The following SLC25A21 variants were observed in gnomAD, a reference collection of about 807,000 sequenced individuals.
The protein encoded by SLC25A21 is mitochondrial 2-oxodicarboxylate carrier.
Under a neutral mutation model 43.8 loss-of-function variants are expected in SLC25A21, and 47 were observed. The observed-to-expected ratio is 1.07, with a 90% CI of 0.85 to 1.37. SLC25A21 has a LOEUF of 1.37. Among genes scored for constraint, SLC25A21 ranks in the 40% most tolerant of loss-of-function variants. SLC25A21 has a pLI of 0.00. For synonymous variants in SLC25A21, 131 were observed against 121.3 expected (o/e 1.08, Z -0.52); for missense variants, 352 against 350.2 (o/e 1.00, Z -0.04).
intron 3 of SLC25A21, among the ~76,000 whole-genome samples, chr14:36,776,761 C>T (rs1238015508): frequency 6.6e-6 from 1 of 152,116 alleles, no homozygotes; most frequent in Non-Finnish European, 1.5e-5. Flanking sequence ...TATAATATTG[C>T]CTTCTATTTC....
intron 1 of SLC25A21, among the ~76,000 whole-genome samples, chr14:37,165,633 A>G (rs1964017686): frequency 6.6e-6 from 1 of 152,102 alleles, no homozygotes. Flanking sequence ...AAGGCTTAGG[A>G]GTGACCTCAG....
At chr14:37,171,873 G>C in intron 1 of SLC25A21, 1 of 196,330 alleles carries the variant, frequency 5.1e-6, no homozygotes, top group Non-Finnish European at 1.0e-5. Flanking sequence ...CAGGATTTAT[G>C]TAAGACCTGA....
At chr14:36,695,296 CT>C (rs1882968220) in intron 7 of SLC25A21, among the ~76,000 whole-genome samples, 1 of 152,118 alleles carries the variant, frequency 6.6e-6, no homozygotes, top group African/African-American at 2.4e-5. Flanking sequence ...CAGTACCATG[CT>C]GTTTGGGTTA....
chr14:36,959,742 C>T lies in SLC25A21; in HGVS notation c.71-84738G>A, dbSNP rs545474796. Among the ~76,000 whole-genome samples, 24 of 152,308 alleles carry T rather than the reference C, an allele frequency of 1.6e-4. No homozygotes were observed. The Middle Eastern group carries it at 0.01, about 65-fold the overall frequency. On this transcript the variant is annotated intron_variant, in intron 1 of 9. Coordinates refer to ENST00000331299, the MANE Select transcript of SLC25A21 (RefSeq NM_030631.4). ...TGCCAGTTCCCGGTAAACAGACCAACACATGTTGGCTGTTCCCATGCTTTT... is the reference window on the plus strand; with the variant it reads ...TGCCAGTTCCCGGTAAACAGACCAATACATGTTGGCTGTTCCCATGCTTTT...
At chr14:36,880,951 A>G (rs1391936671) in intron 1 of SLC25A21, among the ~76,000 whole-genome samples, 1 of 152,200 alleles carries the variant, frequency 6.6e-6, no homozygotes, top group Non-Finnish European at 1.5e-5. Flanking sequence ...GGATGCTTGA[A>G]AGCCTGAAGG....
chr14:36,875,068 C>T, intron 1 of SLC25A21, 64 bp from the exon 2 acceptor site: 1 of 1,402,332 alleles, frequency 7.1e-7, no homozygotes, highest in East Asian at 2.3e-5. Flanking sequence ...TTTCCTTGAT[C>T]CCGTCGATTT....
At position 37,142,419 on chromosome 14, in the gene SLC25A21, G is replaced by A. The variant is rs116028781; in HGVS notation, c.70+29862C>T. 6.1e-3 allele frequency among the ~76,000 whole-genome samples: 926 copies of A among 152,294 alleles called. 11 individuals carry two copies. The highest frequency in any genetic ancestry group is 0.022 in the African/African-American group (897 of 41,548). Reference sequence around the variant, plus strand: ...TCTGTTGCCCAGGCTGGAGTACAGTGGCTTGGTCACAGCTCACTGCGGCCT... The same window carrying A: ...TCTGTTGCCCAGGCTGGAGTACAGTAGCTTGGTCACAGCTCACTGCGGCCT... On this transcript the variant is annotated intron_variant, in intron 1 of 9. Coordinates refer to ENST00000331299, the MANE Select transcript of SLC25A21 (RefSeq NM_030631.4).
chr14:36,760,331 A>AGAGGGAAG, intron 3 of SLC25A21, among the ~76,000 whole-genome samples: 1 of 136,754 alleles, frequency 7.3e-6, no homozygotes, highest in Non-Finnish European at 1.6e-5. Context: ...GCAGCTAGGC[A>AGAGGGAAG]GAAGGAAGGA....
intron 1 of SLC25A21, among the ~76,000 whole-genome samples, chr14:37,089,765 T>C (rs974713543): frequency 2.6e-5 from 4 of 152,228 alleles, no homozygotes; most frequent in African/African-American, 7.2e-5. Flanking sequence ...ATGACGGAGA[T>C]AACTAATGGA....
chr14:37,062,985 G>A (rs1334346440), intron 1 of SLC25A21, among the ~76,000 whole-genome samples: 2 of 152,138 alleles, frequency 1.3e-5, no homozygotes, highest in East Asian at 1.9e-4. Context: ...GGCTGGGGAG[G>A]CCTAAGGAAA....
At chr14:37,109,310 T>G (rs569555851) in intron 1 of SLC25A21, among the ~76,000 whole-genome samples, 8 of 151,418 alleles carry the variant, frequency 5.3e-5, no homozygotes, top group Admixed American at 5.3e-4. Context: ...CAACTAACCC[T>G]GCTTCATTTA....
intron 1 of SLC25A21, among the ~76,000 whole-genome samples, chr14:36,876,758 G>T (rs1890537805): frequency 6.6e-6 from 1 of 151,688 alleles, no homozygotes; most frequent in Non-Finnish European, 1.5e-5. Flanking sequence ...AAATGGCCTA[G>T]AATAACTTTG....
At chr14:36,823,786 G>T (rs757270813) in intron 2 of SLC25A21, among the ~76,000 whole-genome samples, 1 of 152,112 alleles carries the variant, frequency 6.6e-6, no homozygotes, top group Non-Finnish European at 1.5e-5. Context: ...TTCTCTCTCC[G>T]ATCCTCCCAA....
At chr14:36,905,630 T>G (rs1891514571) in intron 1 of SLC25A21, among the ~76,000 whole-genome samples, 1 of 152,194 alleles carries the variant, frequency 6.6e-6, no homozygotes, top group South Asian at 2.1e-4. Flanking sequence ...GATTTTTTTT[T>G]TTGTCTTTAA....
intron 1 of SLC25A21, among the ~76,000 whole-genome samples, chr14:36,923,081 T>C (rs1892026198): frequency 1.3e-5 from 2 of 151,398 alleles, no homozygotes; most frequent in African/African-American, 2.4e-5. Flanking sequence ...TAGTCAAAGA[T>C]TTAAGGGGAA....
chr14:37,080,935 A>G (rs1234270736), intron 1 of SLC25A21, among the ~76,000 whole-genome samples: 6 of 152,212 alleles, frequency 3.9e-5, no homozygotes, highest in Non-Finnish European at 7.3e-5. Context: ...CAAAAGTTGT[A>G]GGTAGAATGA....
rs201023690 is a variant in SLC25A21 at position 36,679,964 on chromosome 14, T to A, written c.*694A>T. The A allele has an allele frequency of 2.0e-4, 158 of 800,486 alleles. No homozygotes were observed. The highest frequency in any genetic ancestry group is 2.1e-4 in the Non-Finnish European group (148 of 700,848). The allele number at this position is 800,486 out of a possible 1,614,324, so 49.6% of individuals were successfully genotyped here. A position where few individuals can be genotyped will look rare whatever the true frequency, so the allele number is the denominator to read the frequency against. On this transcript the variant is annotated 3_prime_UTR_variant, in exon 10 of 10. Transcript: ENST00000331299. ...TAAACATGCTTAAACAACAGTGTTT[T>A]AACATTCTGTTTTAAACAATGTTTT...
At chr14:36,784,917 G>C (rs1291448405) in intron 3 of SLC25A21, among the ~76,000 whole-genome samples, 1 of 152,060 alleles carries the variant, frequency 6.6e-6, no homozygotes, top group Non-Finnish European at 1.5e-5. Flanking sequence ...TTTAATGTAG[G>C]GAGCAAAGAA....
intron 1 of SLC25A21, among the ~76,000 whole-genome samples, chr14:36,933,304 C>G (rs974486189): frequency 5.9e-5 from 9 of 152,082 alleles, no homozygotes; most frequent in African/African-American, 1.9e-4. Context: ...AATGAATCTT[C>G]TTTCGATTGC....
Sources: allele counts gnomAD v4.1 joint callset (sites outside exome capture counted in the v4.1 genomes callset), GRCh38; gene constraint gnomAD v4.1.1; transcripts MANE v1.5; gene names NCBI Gene and HGNC (gene_info 2026-07-23, HGNC 2026-07-21).